Variants in STS observed in about 807,000 individuals in gnomAD.
STS encodes steryl-sulfatase.
STS carries 7 observed loss-of-function variants against 26.8 expected under a neutral mutation model. The ratio of observed to expected loss-of-function variants is 0.26; its 90% CI spans 0.15 to 0.49. The LOEUF is 0.49. Ranked by LOEUF, STS falls within the 20% of genes least tolerant of loss-of-function variation. The pLI is 0.98. For synonymous variants in STS, 199 were observed against 189.4 expected, an observed-to-expected ratio of 1.05 and a Z score of -0.42; for missense variants, 434 against 465.6, an observed-to-expected ratio of 0.93 and a Z score of 0.63.
chrX:7,240,489 A>C (rs1163270698), intron 2 of STS, among the ~76,000 whole-genome samples: 2 of 45,034 alleles, frequency 4.4e-5, no homozygotes, highest in Non-Finnish European at 4.1e-5. Flanking sequence ...ACACACAGAT[A>C]TGTATGTGTG....
chrX:7,192,336 G>T (rs1933889961), intron 2 of STS, among the ~76,000 whole-genome samples: 1 of 111,842 alleles, frequency 8.9e-6, no homozygotes, highest in African/African-American at 3.3e-5. Context: ...GGCCGAGGCG[G>T]GCAGATCGCC....
chrX:7,202,968 CTG>C (rs1259552774), intron 2 of STS, among the ~76,000 whole-genome samples: 3 of 111,095 alleles, frequency 2.7e-5, no homozygotes, highest in Non-Finnish European at 5.7e-5. Flanking sequence ...ATCCACGTCC[CTG>C]TCTCTCTGTG....
intron 8 of STS, among the ~76,000 whole-genome samples, chrX:7,313,236 T>C (rs1362479812): frequency 8.9e-6 from 1 of 112,408 alleles, no homozygotes; most frequent in African/African-American, 3.2e-5. Flanking sequence ...TTTTTTCATG[T>C]GCAGAGAAAT....
At chrX:7,247,249 A>T (rs1332290009) in intron 2 of STS, among the ~76,000 whole-genome samples, 1 of 112,272 alleles carries the variant, frequency 8.9e-6, no homozygotes, top group African/African-American at 3.2e-5. Context: ...TAAGATAGTC[A>T]ATCACTCAAT....
chrX:7,150,176 C>T (rs1182029924), intron 1 of STS, among the ~76,000 whole-genome samples: 1 of 111,967 alleles, frequency 8.9e-6, no homozygotes, highest in East Asian at 2.8e-4. Flanking sequence ...TTGTAACCAC[C>T]TCACATTTCT....
chrX:7,196,233 T>C (rs1477591836), intron 2 of STS, among the ~76,000 whole-genome samples: 3 of 112,046 alleles, frequency 2.7e-5, no homozygotes, highest in Non-Finnish European at 3.8e-5. Context: ...AGGAAAAGTA[T>C]GGTAAACCAG....
chrX:7,249,122 G>A (rs1461263642), intron 2 of STS, among the ~76,000 whole-genome samples: 4 of 110,427 alleles, frequency 3.6e-5, no homozygotes, highest in African/African-American at 1.3e-4. Flanking sequence ...AGTTCAGGCC[G>A]AGAAGCAGTA....
At chrX:7,263,484 C>G (rs1344884580) in intron 6 of STS, among the ~76,000 whole-genome samples, 1 of 112,726 alleles carries the variant, frequency 8.9e-6, no homozygotes, top group Non-Finnish European at 1.9e-5. Flanking sequence ...CAGTCACATG[C>G]GGTGCAGGTT....
chrX:7,167,341 A>C (rs1214896023), intron 1 of STS, among the ~76,000 whole-genome samples: 1 of 111,260 alleles, frequency 9.0e-6, no homozygotes. Flanking sequence ...TCAGACTCCC[A>C]AGTAGCTGGG....
intron 1 of STS, among the ~76,000 whole-genome samples, chrX:7,175,082 T>C (rs1171937330): frequency 9.4e-6 from 1 of 106,856 alleles, no homozygotes; most frequent in East Asian, 2.9e-4. Context: ...TCAGTATCCA[T>C]GGAGACAGTG....
Position 7,214,919 on chromosome X carries a change from ATG to A in STS, c.-5+23923_-5+23924del, listed in dbSNP as rs1177291292. 9.1e-5 allele frequency among the ~76,000 whole-genome samples: 9 copies of A among 98,509 alleles called. No individual in the cohort carries two copies. In the East Asian group the frequency reaches 1.8e-3, roughly 20 times the overall value. 85.5% of individuals were successfully genotyped at this position (98,509 alleles called of 115,157 possible). On this transcript the variant is annotated intron_variant, in intron 2 of 10. Transcript: ENST00000674429. ...GTGTAGTATTCCATCATATATATAT[ATG>A]TGTGTGTGTGTATATATATATACAT...
At chrX:7,220,128 T>G (rs1388001460) in intron 2 of STS, among the ~76,000 whole-genome samples, 1 of 111,711 alleles carries the variant, frequency 9.0e-6, no homozygotes, top group Non-Finnish European at 1.9e-5. Flanking sequence ...TCTGTCTCCA[T>G]TGGTGTGTTT....
At chrX:7,240,654 A>T (rs1277317683) in intron 2 of STS, among the ~76,000 whole-genome samples, 1 of 107,020 alleles carries the variant, frequency 9.3e-6, no homozygotes, top group Non-Finnish European at 1.9e-5. Flanking sequence ...TGGGACCAGT[A>T]TCTTTCCAAG....
intron 8 of STS, among the ~76,000 whole-genome samples, chrX:7,320,119 TA>T (rs1263758274): frequency 3.1e-5 from 3 of 97,415 alleles, no homozygotes; most frequent in African/African-American, 1.1e-4. Flanking sequence ...ATATAAGTAT[TA>T]TTTTATATAT....
intron 9 of STS, among the ~76,000 whole-genome samples, chrX:7,325,809 G>A (rs1050126167): frequency 6.2e-5 from 7 of 112,028 alleles, no homozygotes; most frequent in Middle Eastern, 4.2e-3. Flanking sequence ...TCATGCTAAC[G>A]GACTGAGTGG....
Position 7,334,997 on chromosome X carries a change from C to T in STS, c.1363+890C>T, listed in dbSNP as rs750326344. On this transcript the variant is annotated intron_variant, in intron 10 of 10. Coordinates refer to ENST00000674429, the MANE Select transcript of STS (RefSeq NM_001320752.2). ...GTATATGTGCCACATTTTCTTAATCCAGTCTATCATTGTTGGACAATTGGG... is the reference window on the plus strand; with the variant it reads ...GTATATGTGCCACATTTTCTTAATCTAGTCTATCATTGTTGGACAATTGGG... Among the ~76,000 whole-genome samples the T allele has an allele frequency of 8.0e-5, 9 of 112,348 alleles. No individual in the cohort carries two copies. In the South Asian group the frequency reaches 1.5e-3, roughly 19 times the overall value.
At chrX:7,174,044 G>T (rs759483493) in intron 1 of STS, among the ~76,000 whole-genome samples, 166 of 111,701 alleles carry the variant, frequency 1.5e-3, no homozygotes, top group Non-Finnish European at 2.2e-3. Context: ...GGGACTCTGA[G>T]AAAGAAATGG....
At chrX:7,198,851 G>T (rs1409225132) in intron 2 of STS, among the ~76,000 whole-genome samples, 1 of 111,993 alleles carries the variant, frequency 8.9e-6, no homozygotes, top group African/African-American at 3.2e-5. Context: ...CCTGTTAAAA[G>T]ATTTTATCCA....
At chrX:7,186,040 G>C (rs1308073474) in intron 1 of STS, among the ~76,000 whole-genome samples, 3 of 111,935 alleles carry the variant, frequency 2.7e-5, no homozygotes, top group Non-Finnish European at 5.6e-5. Context: ...GGTTGGACTT[G>C]TGAAAATGTT....
Sources: gnomAD v4.1 joint callset for allele counts (sites outside exome capture counted in the v4.1 genomes callset) on GRCh38, gnomAD v4.1.1 for gene constraint, MANE v1.5 for transcripts, NCBI Gene and HGNC (gene_info 2026-07-23, HGNC 2026-07-21) for gene names.